The following PPM1H variants were observed in gnomAD, a reference collection of about 807,000 sequenced individuals.
PPM1H encodes the protein protein phosphatase 1H.
PPM1H carries 27 observed loss-of-function variants against 54.9 expected under a neutral mutation model. The ratio of observed to expected loss-of-function variants is 0.49; its 90% CI spans 0.36 to 0.68. The LOEUF is 0.68. Among genes scored for constraint, PPM1H ranks in the 30% least tolerant of loss-of-function variants. The pLI is 0.00. For missense variants in PPM1H, 596 were observed against 667.8 expected, an observed-to-expected ratio of 0.89 and a Z score of 1.19; for synonymous variants, 305 against 270.8, an observed-to-expected ratio of 1.13 and a Z score of -1.24.
Position 62,738,802 on chromosome 12 carries a change from A to G in PPM1H, c.870-1216T>C, listed in dbSNP as rs369744084. 1.1e-4 allele frequency among the ~76,000 whole-genome samples: 16 copies of G among 152,164 alleles called. No homozygotes were observed. In the South Asian group the frequency reaches 3.1e-3, roughly 30 times the overall value. ...TCAGATCTGAGTGGATGCCTCCTTC[A>G]TTCTAGGGAGGCTGCATTCTTTGTG... is the stretch of plus-strand genomic sequence containing the variant. On this transcript the variant is annotated intron_variant, in intron 4 of 9. Coordinates refer to ENST00000228705, the MANE Select transcript of PPM1H (RefSeq NM_020700.2).
chr12:62,881,789 T>G (rs1427754740), intron 1 of PPM1H, among the ~76,000 whole-genome samples: 2 of 152,194 alleles, frequency 1.3e-5, no homozygotes, highest in Non-Finnish European at 2.9e-5. Context: ...ACAGGGTCAA[T>G]GCCTTAGTTC....
rs371143962 is a variant in PPM1H at position 62,804,351 on chromosome 12, C to CA, written c.412-2192dup. On this transcript the variant is annotated intron_variant, in intron 2 of 9. Coordinates refer to ENST00000228705, the MANE Select transcript of PPM1H (RefSeq NM_020700.2). ...CTGGGGTGACAGAGTGACCCTGTCT[C>CA]AAAAAAAAAAGATTGTTTAAGAAAA... 3.1e-3 allele frequency among the ~76,000 whole-genome samples: 424 copies of CA among 137,650 alleles called. 1 individual carries two copies. Among genetic ancestry groups the CA allele is most frequent in the Non-Finnish European group, 4.6e-3 (300 of 65,078 alleles). 90.3% of individuals were successfully genotyped at this position (137,650 alleles called of 152,430 possible).
chr12:62,878,745 GC>G (rs1168111642), intron 1 of PPM1H, among the ~76,000 whole-genome samples: 1 of 149,910 alleles, frequency 6.7e-6, no homozygotes, highest in Non-Finnish European at 1.5e-5. Flanking sequence ...TTCGAGACCA[GC>G]CTGGCCAACA....
In PPM1H at chr12:62,788,599, T is replaced by A. The variant is rs1378522374; in HGVS notation, c.757-261A>T. 1.1e-5 allele frequency: 4 copies of A among 360,170 alleles called. No individual in the cohort carries two copies. In the Admixed American group the frequency reaches 1.7e-4, roughly 15 times the overall value. The allele number at this position is 360,170 out of a possible 1,614,324, so 22.3% of individuals were successfully genotyped here. The stretch of plus-strand genomic sequence containing the variant: ...AGAAACAATCAGACAAAAATGCAAA[T>A]AAAATGTAAGTTGTATTCAGTAAAT... On this transcript the variant is annotated intron_variant, in intron 3 of 9. Coordinates refer to ENST00000228705, the MANE Select transcript of PPM1H (RefSeq NM_020700.2).
At chr12:62,693,266 G>A (rs2076093356) in intron 7 of PPM1H, among the ~76,000 whole-genome samples, 1 of 152,158 alleles carries the variant, frequency 6.6e-6, no homozygotes, top group Admixed American at 6.5e-5. Flanking sequence ...CTTTTCTTTG[G>A]TTCGACAACG....
intron 6 of PPM1H, among the ~76,000 whole-genome samples, chr12:62,708,148 T>C (rs527434493): frequency 1.3e-5 from 2 of 152,370 alleles, no homozygotes; most frequent in East Asian, 3.9e-4. Flanking sequence ...CCTTCCTGGC[T>C]CTTACAGAGA....
At chr12:62,890,736 AC>A (rs1252519784) in intron 1 of PPM1H, among the ~76,000 whole-genome samples, 1 of 150,358 alleles carries the variant, frequency 6.7e-6, no homozygotes, top group Non-Finnish European at 1.5e-5. Context: ...ACACACACAC[AC>A]ACACACACAC....
intron 1 of PPM1H, among the ~76,000 whole-genome samples, chr12:62,923,442 C>A (rs1279121138): frequency 6.6e-6 from 1 of 152,068 alleles, no homozygotes; most frequent in Non-Finnish European, 1.5e-5. Flanking sequence ...CCTCTTGGCC[C>A]CCAGGCTGGA....
chr12:62,748,069 G>A (rs1269373175), intron 4 of PPM1H, among the ~76,000 whole-genome samples: 1 of 152,120 alleles, frequency 6.6e-6, no homozygotes, highest in Non-Finnish European at 1.5e-5. Flanking sequence ...TTTCTATGGA[G>A]TAAAAGGTAT....
intron 5 of PPM1H, among the ~76,000 whole-genome samples, chr12:62,722,118 T>G (rs118040345): frequency 6.6e-6 from 1 of 152,100 alleles, no homozygotes; most frequent in African/African-American, 2.4e-5. Flanking sequence ...AAGCTCGTCA[T>G]GCCTACTGGG....
intron 3 of PPM1H, among the ~76,000 whole-genome samples, chr12:62,795,389 T>C (rs1202787856): frequency 6.6e-6 from 1 of 152,042 alleles, no homozygotes; most frequent in African/African-American, 2.4e-5. Context: ...AAATAAGATA[T>C]TGCATATTTC....
Position 62,654,258 on chromosome 12 carries a change from G to C in PPM1H, c.1398-5622C>G, listed in dbSNP as rs192769835. On this transcript the variant is annotated intron_variant, in intron 9 of 9. Coordinates refer to ENST00000228705, the MANE Select transcript of PPM1H (RefSeq NM_020700.2). ...AAAAAAAAAGCAACACCTGAAGCAG[G>C]TGATCAGCCTCCTGATAAGGTCTCA... is the stretch of plus-strand genomic sequence containing the variant. 4.4e-4 allele frequency among the ~76,000 whole-genome samples: 64 copies of C among 144,838 alleles called. No homozygotes were observed. In the East Asian group the frequency reaches 9.6e-3, roughly 22 times the overall value.
At chr12:62,883,145 C>T (rs1458925935) in intron 1 of PPM1H, among the ~76,000 whole-genome samples, 1 of 152,202 alleles carries the variant, frequency 6.6e-6, no homozygotes, top group Non-Finnish European at 1.5e-5. Flanking sequence ...AAAGGAGCTT[C>T]TCATACCACC....
chr12:62,827,165 G>C (rs1167762444), intron 2 of PPM1H, among the ~76,000 whole-genome samples: 1 of 152,118 alleles, frequency 6.6e-6, no homozygotes, highest in African/African-American at 2.4e-5. Flanking sequence ...CTTTCACCTG[G>C]AAAGGTAGAA....
chr12:62,905,166 G>C (rs1359188022), intron 1 of PPM1H, among the ~76,000 whole-genome samples: 1 of 152,196 alleles, frequency 6.6e-6, no homozygotes, highest in African/African-American at 2.4e-5. Flanking sequence ...TATTGGTAGA[G>C]AGCTCAGAAC....
chr12:62,934,826 G>A lies in PPM1H; in HGVS notation c.-90C>T, dbSNP rs938841651. 7 of 1,224,550 alleles carry A rather than the reference G, an allele frequency of 5.7e-6. No individual in the cohort carries two copies. The African/African-American group carries it at 7.9e-5, about 14-fold the overall frequency. 75.9% of individuals were successfully genotyped at this position (1,224,550 alleles called of 1,614,324 possible). ...GCGGGGCATGCAGGCTGCGGTGGGC[G>A]CCGGGCGCACGGCGAGTCGGGCCAC... On this transcript the variant is annotated 5_prime_UTR_variant, in exon 1 of 10. Coordinates refer to ENST00000228705, the MANE Select transcript of PPM1H (RefSeq NM_020700.2). This position sits in a 1 kb window ranked among gnomAD's most constrained non-coding sequence, Gnocchi z 4.2.
At chr12:62,829,991 A>G (rs1483957482) in intron 2 of PPM1H, among the ~76,000 whole-genome samples, 3 of 152,204 alleles carry the variant, frequency 2.0e-5, no homozygotes, top group African/African-American at 4.8e-5. Flanking sequence ...TCCCATAATA[A>G]CAATCCTCAA....
intron 4 of PPM1H, among the ~76,000 whole-genome samples, chr12:62,759,602 G>A (rs141962000): frequency 2.6e-5 from 4 of 152,278 alleles, no homozygotes; most frequent in African/African-American, 4.8e-5. Context: ...ATTCACCCAC[G>A]TTTCAGAGGT....
chr12:62,764,340 G>A (rs2076528665), intron 4 of PPM1H, among the ~76,000 whole-genome samples: 1 of 152,128 alleles, frequency 6.6e-6, no homozygotes, highest in Non-Finnish European at 1.5e-5. Context: ...ATTAGTGAGT[G>A]GAGATCATGG....
Sources: allele counts gnomAD v4.1 joint callset (sites outside exome capture counted in the v4.1 genomes callset), GRCh38; gene constraint gnomAD v4.1.1; non-coding constraint Gnocchi (gnomAD v3.1); transcripts MANE v1.5; gene names NCBI Gene and HGNC (gene_info 2026-07-23, HGNC 2026-07-21).